Variants in TMEM184B observed in about 807,000 individuals in gnomAD.
TMEM184B encodes the protein putative MAPK-activating protein FM08.
In TMEM184B, 17 loss-of-function variants were observed where a neutral mutation model predicts 41.8. That is an observed-to-expected ratio of 0.41 (90% CI 0.28 to 0.61). The LOEUF is 0.61. TMEM184B is among the 20% of genes least tolerant of loss of function. TMEM184B has a pLI of 0.34. For missense variants in TMEM184B, 393 were observed against 557.8 expected (o/e 0.70, Z 2.98); for synonymous variants, 240 against 229.5 (o/e 1.05, Z -0.41).
At chr22:38,267,344 A>T (rs1013708942) in intron 1 of TMEM184B, among the ~76,000 whole-genome samples, 5 of 150,664 alleles carry the variant, frequency 3.3e-5, no homozygotes, top group Non-Finnish European at 7.4e-5. Context: ...CAGGCCTAAG[A>T]CCTCCCACAC....
chr22:38,268,972 A>C (rs1235205058), intron 1 of TMEM184B, among the ~76,000 whole-genome samples: 17 of 152,270 alleles, frequency 1.1e-4, no homozygotes, highest in Non-Finnish European at 2.1e-4. Flanking sequence ...GCTGAGCTCC[A>C]TCAGACATTG....
chr22:38,269,797 CCT>C (rs1159814057), intron 1 of TMEM184B, among the ~76,000 whole-genome samples: 1 of 152,136 alleles, frequency 6.6e-6, no homozygotes, highest in Non-Finnish European at 1.5e-5. Context: ...CAGAACCTGC[CCT>C]GAGTCACACA....
At chr22:38,217,589 C>T (rs2091164498), downstream of TMEM184B, among the ~76,000 whole-genome samples, 1 of 151,962 alleles carries the variant, frequency 6.6e-6, no homozygotes, top group African/African-American at 2.4e-5. Flanking sequence ...TTGCAGTGAG[C>T]TGAGATCGCG....
At chr22:38,248,673 C>T (rs945524879) in intron 1 of TMEM184B, among the ~76,000 whole-genome samples, 1 of 152,218 alleles carries the variant, frequency 6.6e-6, no homozygotes, top group Admixed American at 6.5e-5. Context: ...CTGTTCCCCC[C>T]ACCCCACCTA....
chr22:38,220,316 T>A lies in TMEM184B; in HGVS notation c.*1153A>T. 1 of 985,912 alleles carries A rather than the reference T, an allele frequency of 1.0e-6. No homozygotes were observed. The highest frequency in any genetic ancestry group is 1.2e-6 in the Non-Finnish European group (1 of 830,136). 61.1% of individuals were successfully genotyped at this position (985,912 alleles called of 1,614,324 possible). A position where few individuals can be genotyped will look rare whatever the true frequency, so the allele number is the denominator to read the frequency against. On this transcript the variant is annotated 3_prime_UTR_variant, in exon 9 of 9. Transcript: ENST00000361906. ...ATCCTGCGAGTGCCAGCAGCTGAAC[T>A]AAGAGCCCCAGGGAGCGTGTGGGAC...
At chr22:38,238,775 G>C (rs1237048226) in intron 3 of TMEM184B, among the ~76,000 whole-genome samples, 1 of 152,174 alleles carries the variant, frequency 6.6e-6, no homozygotes, top group Non-Finnish European at 1.5e-5. Context: ...CACCATGCTG[G>C]CACAGAGCCC....
intron 1 of TMEM184B, among the ~76,000 whole-genome samples, chr22:38,250,870 A>C (rs2092147131): frequency 6.6e-6 from 1 of 152,180 alleles, no homozygotes; most frequent in African/African-American, 2.4e-5. Context: ...GCCCATGCCC[A>C]CTTGGCATTC....
chr22:38,231,775 T>C, intron 3 of TMEM184B: 1 of 352,924 alleles, frequency 2.8e-6, no homozygotes, highest in Non-Finnish European at 5.5e-6. Context: ...CAGGAGGACG[T>C]CTTGAGTCTG....
intron 3 of TMEM184B, among the ~76,000 whole-genome samples, chr22:38,235,892 T>C (rs1354545778): frequency 6.6e-6 from 1 of 152,212 alleles, no homozygotes; most frequent in Non-Finnish European, 1.5e-5. Context: ...GGAAGCTCAC[T>C]GCCCACCGCC....
intron 1 of TMEM184B, among the ~76,000 whole-genome samples, chr22:38,271,397 C>T (rs931726376): frequency 6.6e-6 from 1 of 152,154 alleles, no homozygotes; most frequent in African/African-American, 2.4e-5. Flanking sequence ...TCATGAATTC[C>T]CTCTGGGCCT....
chr22:38,228,786 A>G (rs745557289), intron 5 of TMEM184B, among the ~76,000 whole-genome samples: 1 of 152,216 alleles, frequency 6.6e-6, no homozygotes, highest in Non-Finnish European at 1.5e-5. Flanking sequence ...TGCCACCGCC[A>G]GGAACAAGAA....
intron 3 of TMEM184B, among the ~76,000 whole-genome samples, chr22:38,240,949 C>A (rs566417871): frequency 1.3e-5 from 2 of 152,286 alleles, no homozygotes; most frequent in East Asian, 3.9e-4. Flanking sequence ...TCAGATTCCA[C>A]AAAATAGACC....
At chr22:38,228,756 TTTC>T (rs2091525367) in intron 5 of TMEM184B, among the ~76,000 whole-genome samples, 1 of 152,212 alleles carries the variant, frequency 6.6e-6, no homozygotes, top group African/African-American at 2.4e-5. Flanking sequence ...TTTTGTTCTC[TTTC>T]TTCTTATATC....
chr22:38,249,827 G>C (rs2092123080), intron 1 of TMEM184B, among the ~76,000 whole-genome samples: 1 of 152,236 alleles, frequency 6.6e-6, no homozygotes, highest in Non-Finnish European at 1.5e-5. Context: ...CTGCTGACAG[G>C]CTGGTCAGTG....
Position 38,226,926 on chromosome 22 carries a change from A to G in TMEM184B, c.526-56T>C. 6.6e-7 allele frequency: 1 copy of G among 1,520,704 alleles called. No individual in the cohort carries two copies. Among genetic ancestry groups the G allele is most frequent in the Admixed American group, 2.0e-5 (1 of 50,932 alleles). 94.2% of individuals were successfully genotyped at this position (1,520,704 alleles called of 1,614,324 possible). On this transcript the variant is annotated intron_variant, in intron 5 of 8. Transcript: ENST00000361906. This position sits in a 1 kb window ranked among gnomAD's most constrained non-coding sequence, Gnocchi z 4.6. ...AGGAGGAGCACAGAAGGCATGAAGC[A>G]AGCCCTGCCTCTGGCAGACGGAACT...
chr22:38,262,096 G>A (rs1470857251), intron 1 of TMEM184B, among the ~76,000 whole-genome samples: 1 of 152,228 alleles, frequency 6.6e-6, no homozygotes, highest in African/African-American at 2.4e-5. Flanking sequence ...AAACCAAAGG[G>A]CCACTACAGG....
chr22:38,244,488 C>T (rs1246797054), intron 3 of TMEM184B, among the ~76,000 whole-genome samples: 1 of 151,440 alleles, frequency 6.6e-6, no homozygotes, highest in Non-Finnish European at 1.5e-5. Context: ...CAGAGTTTCG[C>T]TCTTGTTGCC....
intron 3 of TMEM184B, among the ~76,000 whole-genome samples, chr22:38,235,259 C>G (rs1224905979): frequency 6.6e-6 from 1 of 152,178 alleles, no homozygotes; most frequent in Non-Finnish European, 1.5e-5. Context: ...GCTTTCCAGT[C>G]TCGAACAACA....
Position 38,245,924 on chromosome 22 carries a change from C to A in TMEM184B, c.358+11G>T. On this transcript the variant is annotated intron_variant, in intron 3 of 8. Coordinates refer to ENST00000361906, the MANE Select transcript of TMEM184B (RefSeq NM_012264.5). ...CCCCGCCAGCCCTCCCCACTCCGTC[C>A]CCATCCTCACCCTCATAGCAGTCGC... 1 of 1,608,406 alleles carries A rather than the reference C, an allele frequency of 6.2e-7. No homozygotes were observed. The highest frequency in any genetic ancestry group is 8.5e-7 in the Non-Finnish European group (1 of 1,178,380).
Sources: gnomAD v4.1 joint callset for allele counts (sites outside exome capture counted in the v4.1 genomes callset) on GRCh38, gnomAD v4.1.1 for gene constraint, Gnocchi (gnomAD v3.1) non-coding constraint, MANE v1.5 for transcripts, NCBI Gene and HGNC (gene_info 2026-07-23, HGNC 2026-07-21) for gene names.